Variants in RELN observed in about 807,000 individuals in gnomAD.
RELN encodes the protein reelin.
Under a neutral mutation model 427.6 loss-of-function variants are expected in RELN, and 108 were observed. The observed-to-expected ratio is 0.25, with a 90% CI of 0.22 to 0.30. RELN has a LOEUF of 0.30. RELN is among the 10% of genes least tolerant of loss of function. The probability of loss-of-function intolerance (pLI) is 1.00; values close to 1 mark genes in which losing one functional copy is unlikely to be tolerated. For synonymous variants in RELN, 1,524 were observed against 1,513.4 expected, an observed-to-expected ratio of 1.01 and a Z score of -0.16; for missense variants, 3,715 against 4,302.8, an observed-to-expected ratio of 0.86 and a Z score of 3.82.
At chr7:103,715,074 TTATGTC>T (rs1789904506) in intron 8 of RELN, among the ~76,000 whole-genome samples, 1 of 152,190 alleles carries the variant, frequency 6.6e-6, no homozygotes, top group African/African-American at 2.4e-5. Context: ...AGTCTAGACT[TTATGTC>T]TATACCTCTG....
chr7:103,741,468 T>C (rs1462949592), intron 6 of RELN, among the ~76,000 whole-genome samples: 1 of 151,968 alleles, frequency 6.6e-6, no homozygotes, highest in Non-Finnish European at 1.5e-5. Context: ...TAGCTTAAGA[T>C]TATTTTAATA....
intron 8 of RELN, among the ~76,000 whole-genome samples, chr7:103,702,776 G>A (rs999153707): frequency 6.6e-6 from 1 of 152,038 alleles, no homozygotes; most frequent in Non-Finnish European, 1.5e-5. Flanking sequence ...CCAGATCTCT[G>A]CAATAGTGAT....
chr7:103,781,121 C>T (rs941845687), intron 3 of RELN, among the ~76,000 whole-genome samples: 1 of 152,162 alleles, frequency 6.6e-6, no homozygotes, highest in Non-Finnish European at 1.5e-5. Flanking sequence ...ATATTGGCAT[C>T]TTATCTTGGG....
chr7:103,829,863 T>A (rs997061312), intron 3 of RELN, among the ~76,000 whole-genome samples: 7 of 151,972 alleles, frequency 4.6e-5, no homozygotes, highest in Non-Finnish European at 1.0e-4. Context: ...TAAAAAAGGA[T>A]TTTAAATAGG....
intron 3 of RELN, among the ~76,000 whole-genome samples, chr7:103,813,569 CATAT>C (rs948199520): frequency 1.3e-5 from 2 of 151,592 alleles, no homozygotes; most frequent in East Asian, 1.9e-4. Flanking sequence ...TTTGTACATA[CATAT>C]ATATATGTAC....
chr7:103,782,843 C>G (rs369829206), intron 3 of RELN, among the ~76,000 whole-genome samples: 265 of 152,222 alleles, frequency 1.7e-3, no homozygotes, highest in African/African-American at 6.0e-3. Context: ...ATTTTTAAAC[C>G]TATGACAATG....
At chr7:103,843,419 G>A (rs951096901) in intron 2 of RELN, among the ~76,000 whole-genome samples, 2 of 152,068 alleles carry the variant, frequency 1.3e-5, no homozygotes, top group African/African-American at 2.4e-5. Flanking sequence ...ACTAGTGAGT[G>A]GCATCTGAAC....
At chr7:103,654,251 A>G (rs1832981426) in intron 12 of RELN, 46 bp from the exon 13 acceptor site, 1 of 937,476 alleles carries the variant, frequency 1.1e-6, no homozygotes, top group Non-Finnish European at 1.8e-6. Flanking sequence ...ACTAGCATCC[A>G]TAAACATATC....
Position 103,483,703 on chromosome 7 carries a change from G to A in RELN, c.10131C>T (p.His3377=), listed in dbSNP as rs767876947. 1.2e-6 allele frequency: 2 copies of A among 1,614,192 alleles called. No homozygotes were observed. The highest frequency in any genetic ancestry group is 2.2e-5 in the South Asian group (2 of 91,084). The part of the protein sequence containing the change: ...NGITWHVIAQ[H]QPKDFTQAQR... ...GAGCTTGTGTGAAGTCCTTTGGCTG[G>A]TGCTGGGCGATGACATGCCAGGTGA... The change falls in exon 62 of 65, where the codon CAC becomes CAT. Residue 3377 remains histidine (H), a synonymous_variant. Coordinates refer to ENST00000428762, the MANE Select transcript of RELN (RefSeq NM_005045.4).
intron 64 of RELN, 137 bp from the exon 65 acceptor site, chr7:103,473,045 T>C (rs759759852): frequency 1.3e-6 from 1 of 791,658 alleles, no homozygotes; most frequent in South Asian, 1.4e-5. Flanking sequence ...TAATAGGTCA[T>C]GCTCACATTA....
intron 60 of RELN, 137 bp from the exon 61 acceptor site, chr7:103,486,553 CAAAA>C: frequency 2.2e-6 from 1 of 452,024 alleles, no homozygotes; most frequent in Non-Finnish European, 3.8e-6. Context: ...AACAACTTTA[CAAAA>C]AAAAAAAAGC....
chr7:103,534,027 C>T (rs924719384), intron 46 of RELN, among the ~76,000 whole-genome samples: 1 of 152,172 alleles, frequency 6.6e-6, no homozygotes, highest in Non-Finnish European at 1.5e-5. Context: ...AATATAGTCT[C>T]GTACCTCTGA....
chr7:103,747,218 A>T (rs1298384873), intron 6 of RELN, among the ~76,000 whole-genome samples: 1 of 145,954 alleles, frequency 6.9e-6, no homozygotes, highest in Non-Finnish European at 1.5e-5. Flanking sequence ...AACAATGAGA[A>T]CACATGGCCA....
intron 4 of RELN, among the ~76,000 whole-genome samples, chr7:103,755,859 C>A (rs1301182208): frequency 6.8e-6 from 1 of 148,100 alleles, no homozygotes; most frequent in African/African-American, 2.5e-5. Context: ...CCATGCCTAA[C>A]GTTAGCTATA....
chr7:103,546,312 T>C (rs1297121706), intron 41 of RELN, among the ~76,000 whole-genome samples: 2 of 152,252 alleles, frequency 1.3e-5, no homozygotes, highest in Non-Finnish European at 1.5e-5. Flanking sequence ...GGTTCATTCA[T>C]GGTGTAGCAA....
chr7:103,513,393 CTTT>C (rs1203955550), intron 50 of RELN: 5 of 152,146 alleles, frequency 3.3e-5, no homozygotes, highest in African/African-American at 7.2e-5. Flanking sequence ...TCTGTGCTTA[CTTT>C]TATTCATATG....
At chr7:103,728,352 A>G in intron 6 of RELN, 145 bp from the exon 7 acceptor site, 1 of 764,260 alleles carries the variant, frequency 1.3e-6, no homozygotes, top group Admixed American at 2.0e-5. Context: ...CATCATGATA[A>G]GGTTAAGAAG....
intron 51 of RELN, among the ~76,000 whole-genome samples, chr7:103,506,820 A>C (rs1349377746): frequency 6.6e-6 from 1 of 152,224 alleles, no homozygotes; most frequent in African/African-American, 2.4e-5. Context: ...CATAGGCTCA[A>C]AATAAAGGGA....
At chr7:103,498,280 TA>T (rs745709647) in intron 53 of RELN, 28 bp from the exon 54 acceptor site, 1 of 1,602,180 alleles carries the variant, frequency 6.2e-7, no homozygotes, top group East Asian at 2.2e-5. Context: ...CAGATGTGGT[TA>T]AAAAAACAAT....
Sources: allele counts gnomAD v4.1 joint callset (sites outside exome capture counted in the v4.1 genomes callset), GRCh38; gene constraint gnomAD v4.1.1; transcripts MANE v1.5; gene names NCBI Gene and HGNC (gene_info 2026-07-23, HGNC 2026-07-21).